The following MACROD2 variants were observed in gnomAD, a reference collection of about 807,000 sequenced individuals.
MACROD2 encodes mono-ADP ribosylhydrolase 2, also known as ADP-ribose glycohydrolase MACROD2.
A neutral mutation model predicts 70.4 loss-of-function variants in MACROD2; 36 were observed. The observed-to-expected ratio is 0.51, with a 90% CI of 0.39 to 0.68. The LOEUF (loss-of-function observed/expected upper bound fraction) is 0.68. MACROD2 is among the 30% of genes least tolerant of loss of function. The probability of loss-of-function intolerance (pLI) is 0.00; values close to 1 mark genes in which losing one functional copy is unlikely to be tolerated. For synonymous variants in MACROD2, 172 were observed against 178.8 expected (o/e 0.96, Z 0.30); for missense variants, 496 against 538.4 (o/e 0.92, Z 0.78).
intron 8 of MACROD2, among the ~76,000 whole-genome samples, chr20:15,780,766 A>G (rs1006918530): frequency 3.9e-5 from 6 of 152,192 alleles, no homozygotes; most frequent in South Asian, 2.1e-4. Flanking sequence ...AGAGAGAAGT[A>G]GACAGATTCA....
At chr20:15,834,548 C>T (rs192053361) in intron 8 of MACROD2, among the ~76,000 whole-genome samples, 25 of 152,194 alleles carry the variant, frequency 1.6e-4, no homozygotes, top group Non-Finnish European at 2.6e-4. Context: ...TCCCCATATA[C>T]ATTGCTTGCA....
At chr20:14,186,994 G>A (rs866704578) in intron 3 of MACROD2, among the ~76,000 whole-genome samples, 6 of 152,174 alleles carry the variant, frequency 3.9e-5, no homozygotes, top group Middle Eastern at 6.8e-3. Context: ...AAAAACTACC[G>A]GAAGGGTACT....
chr20:15,561,998 T>A (rs908442021), intron 8 of MACROD2, among the ~76,000 whole-genome samples: 6 of 152,128 alleles, frequency 3.9e-5, no homozygotes, highest in African/African-American at 1.2e-4. Context: ...AGGCCTGACT[T>A]ATTTCTGGAA....
chr20:14,529,095 G>T (rs1285176390), intron 4 of MACROD2, among the ~76,000 whole-genome samples: 1 of 152,102 alleles, frequency 6.6e-6, no homozygotes, highest in Admixed American at 6.5e-5. Flanking sequence ...GATCTAGAGG[G>T]CACTAGGGGA....
chr20:15,457,906 A>G (rs909085050), intron 7 of MACROD2, among the ~76,000 whole-genome samples: 2 of 151,812 alleles, frequency 1.3e-5, no homozygotes, highest in African/African-American at 4.8e-5. Context: ...AATGGAGATA[A>G]CATAATATAA....
chr20:14,704,559 G>A (rs1022929132), intron 5 of MACROD2, among the ~76,000 whole-genome samples: 1 of 152,112 alleles, frequency 6.6e-6, no homozygotes, highest in Non-Finnish European at 1.5e-5. Context: ...AGATCTTCTT[G>A]CTGGGGAAAC....
chr20:14,779,090 T>C (rs1294224163), intron 5 of MACROD2, among the ~76,000 whole-genome samples: 1 of 152,094 alleles, frequency 6.6e-6, no homozygotes, highest in Non-Finnish European at 1.5e-5. Flanking sequence ...AGCATTAAAT[T>C]GGGCCAGATT....
chr20:14,837,060 AAAT>A lies in MACROD2; in HGVS notation c.418+152105_418+152107del, dbSNP rs1461288297. ...ATTGATCTGTAAATTAAAGAATTTTAAATAATGAGTGTTTTCTCTCTTCACTCT... is the reference window on the plus strand; with the variant it reads ...ATTGATCTGTAAATTAAAGAATTTTAAATGAGTGTTTTCTCTCTTCACTCT... On this transcript the variant is annotated intron_variant, in intron 5 of 17. Transcript: ENST00000684519. Among the ~76,000 whole-genome samples, 5 of 115,412 alleles carry A rather than the reference AAAT, an allele frequency of 4.3e-5. No individual in the cohort carries two copies. The East Asian group carries it at 1.1e-3, about 25-fold the overall frequency. 75.7% of individuals were successfully genotyped at this position (115,412 alleles called of 152,430 possible).
chr20:14,257,572 A>G (rs1426390229), intron 3 of MACROD2, among the ~76,000 whole-genome samples: 1 of 152,174 alleles, frequency 6.6e-6, no homozygotes, highest in East Asian at 1.9e-4. Flanking sequence ...TTTTCTGTTA[A>G]GATTACTTAA....
intron 7 of MACROD2, among the ~76,000 whole-genome samples, chr20:15,437,506 A>G (rs534404894): frequency 6.6e-6 from 1 of 152,314 alleles, no homozygotes; most frequent in South Asian, 2.1e-4. Flanking sequence ...ACATTTTTAA[A>G]AAGTTTTATT....
intron 5 of MACROD2, among the ~76,000 whole-genome samples, chr20:14,759,867 T>C (rs2071991276): frequency 6.6e-6 from 1 of 152,094 alleles, no homozygotes; most frequent in African/African-American, 2.4e-5. Flanking sequence ...ATATCATTAA[T>C]GGTAGGTGCT....
At chr20:14,932,910 C>T (rs866562645) in intron 5 of MACROD2, among the ~76,000 whole-genome samples, 2 of 152,050 alleles carry the variant, frequency 1.3e-5, no homozygotes, top group Non-Finnish European at 2.9e-5. Flanking sequence ...GAATGCTGTG[C>T]TGATGAAATT....
intron 2 of MACROD2, among the ~76,000 whole-genome samples, chr20:14,060,265 T>C (rs1022003350): frequency 3.9e-5 from 6 of 152,160 alleles, no homozygotes; most frequent in African/African-American, 1.4e-4. Flanking sequence ...CAGTTACCTG[T>C]GTCTATGTGG....
At chr20:14,067,477 C>T (rs921826401) in intron 2 of MACROD2, among the ~76,000 whole-genome samples, 5 of 152,116 alleles carry the variant, frequency 3.3e-5, no homozygotes, top group African/African-American at 7.2e-5. Flanking sequence ...ATGAGGATTT[C>T]GTACATTTTA....
intron 5 of MACROD2, among the ~76,000 whole-genome samples, chr20:15,015,951 A>G (rs890843722): frequency 2.0e-5 from 3 of 152,234 alleles, no homozygotes; most frequent in African/African-American, 7.2e-5. Flanking sequence ...ATAGGTTTAG[A>G]AAACGGAAGC....
At chr20:14,669,589 T>G (rs1265331137) in intron 4 of MACROD2, among the ~76,000 whole-genome samples, 1 of 152,180 alleles carries the variant, frequency 6.6e-6, no homozygotes, top group Non-Finnish European at 1.5e-5. Flanking sequence ...GGAAAGATTA[T>G]CTTTCTCCAT....
chr20:15,392,765 T>C (rs1022858309), intron 6 of MACROD2, among the ~76,000 whole-genome samples: 4 of 152,146 alleles, frequency 2.6e-5, no homozygotes, highest in African/African-American at 7.2e-5. Context: ...CTGTTTTTCT[T>C]CTTTCCTCTC....
At chr20:14,275,253 A>C (rs2082240747) in intron 3 of MACROD2, among the ~76,000 whole-genome samples, 1 of 152,194 alleles carries the variant, frequency 6.6e-6, no homozygotes, top group Non-Finnish European at 1.5e-5. Context: ...ACAGTAACCC[A>C]AACGGCATGG....
At chr20:15,412,919 A>G (rs1340608227) in intron 6 of MACROD2, among the ~76,000 whole-genome samples, 2 of 152,226 alleles carry the variant, frequency 1.3e-5, no homozygotes, top group Non-Finnish European at 2.9e-5. Flanking sequence ...CTCTAATAAA[A>G]TGTGCCCAAA....
Sources: gnomAD v4.1 joint callset for allele counts (sites outside exome capture counted in the v4.1 genomes callset) on GRCh38, gnomAD v4.1.1 for gene constraint, MANE v1.5 for transcripts, NCBI Gene and HGNC (gene_info 2026-07-23, HGNC 2026-07-21) for gene names.